The following YAP1 variants were observed in gnomAD, a reference collection of about 807,000 sequenced individuals.
The protein encoded by YAP1 is Yes1 associated transcriptional regulator, also known as transcriptional coactivator YAP1.
YAP1 carries 5 observed loss-of-function variants against 56.9 expected under a neutral mutation model. The ratio of observed to expected loss-of-function variants is 0.09; its 90% CI spans 0.05 to 0.18. YAP1 has a LOEUF of 0.18. Among genes scored for constraint, YAP1 ranks in the 10% least tolerant of loss-of-function variants. YAP1 has a pLI of 1.00. For synonymous variants in YAP1, 265 were observed against 248.1 expected (o/e 1.07, Z -0.64); for missense variants, 539 against 651.8 (o/e 0.83, Z 1.88).
intron 8 of YAP1, among the ~76,000 whole-genome samples, 166 bp downstream of exon 8, chr11:102,227,747 C>T (rs1474959226): frequency 1.3e-5 from 2 of 151,294 alleles, no homozygotes; most frequent in Admixed American, 1.3e-4. Flanking sequence ...TGATTTGTAA[C>T]TTGTCTTTTC....
At chr11:102,122,916 A>AAAAAAAAAAG (rs1943765733) in intron 2 of YAP1, among the ~76,000 whole-genome samples, 1 of 141,286 alleles carries the variant, frequency 7.1e-6, no homozygotes, top group Non-Finnish European at 1.6e-5. Context: ...AAAAAAAAAA[A>AAAAAAAAAAG]GCAAAGAAAA....
intron 3 of YAP1, among the ~76,000 whole-genome samples, chr11:102,163,485 T>G (rs1468414434): frequency 6.6e-6 from 1 of 152,176 alleles, no homozygotes; most frequent in Non-Finnish European, 1.5e-5. Context: ...GTGCCTGGCA[T>G]CAGAGATTGG....
chr11:102,180,084 A>G (rs1423103296), intron 3 of YAP1, among the ~76,000 whole-genome samples: 1 of 142,146 alleles, frequency 7.0e-6, no homozygotes, highest in Non-Finnish European at 1.5e-5. Flanking sequence ...ATCTTGGCTC[A>G]CTGCAACCTC....
chr11:102,129,762 T>C (rs868724733), intron 2 of YAP1, among the ~76,000 whole-genome samples: 28 of 151,050 alleles, frequency 1.9e-4, no homozygotes, highest in African/African-American at 5.9e-4. Context: ...AGTGATTACA[T>C]AGGAAAATCT....
intron 3 of YAP1, among the ~76,000 whole-genome samples, chr11:102,177,448 T>G (rs1397725073): frequency 6.6e-6 from 1 of 151,874 alleles, no homozygotes; most frequent in Admixed American, 6.6e-5. Flanking sequence ...ATGTGAAAGT[T>G]TATGTGAAAG....
chr11:102,139,847 T>G (rs1483671461), intron 2 of YAP1, among the ~76,000 whole-genome samples: 3 of 152,194 alleles, frequency 2.0e-5, no homozygotes, highest in African/African-American at 7.2e-5. Flanking sequence ...AAAACATCAT[T>G]TATTTTTGTG....
intron 2 of YAP1, among the ~76,000 whole-genome samples, chr11:102,144,766 G>A (rs1215219490): frequency 6.6e-6 from 1 of 152,064 alleles, no homozygotes; most frequent in African/African-American, 2.4e-5. Context: ...TTTTGCGAAT[G>A]TTGCCTTACC....
intron 2 of YAP1, among the ~76,000 whole-genome samples, chr11:102,139,975 G>C (rs956451661): frequency 1.3e-5 from 2 of 152,024 alleles, no homozygotes; most frequent in African/African-American, 4.8e-5. Context: ...AATTTGATTT[G>C]GTATCAGCAA....
intron 3 of YAP1, among the ~76,000 whole-genome samples, chr11:102,184,076 CAA>C (rs1226783169): frequency 1.3e-4 from 6 of 47,176 alleles, no homozygotes; most frequent in Non-Finnish European, 1.3e-4. Flanking sequence ...GACTCCGTCT[CAA>C]AAAAAAAAAA....
At chr11:102,167,097 G>C (rs1946657624) in intron 3 of YAP1, among the ~76,000 whole-genome samples, 1 of 152,192 alleles carries the variant, frequency 6.6e-6, no homozygotes, top group Admixed American at 6.5e-5. Flanking sequence ...ATAGCCTAGA[G>C]ACCAGTGGTT....
At chr11:102,113,395 C>G (rs1437439460) in intron 1 of YAP1, among the ~76,000 whole-genome samples, 4 of 152,144 alleles carry the variant, frequency 2.6e-5, no homozygotes, top group African/African-American at 9.7e-5. Flanking sequence ...TCACACTAGC[C>G]AACTTAGACT....
intron 2 of YAP1, among the ~76,000 whole-genome samples, chr11:102,150,885 C>G (rs1017638260): frequency 2.1e-5 from 3 of 143,000 alleles, no homozygotes; most frequent in Non-Finnish European, 1.5e-5. Context: ...ACTGCAGTCT[C>G]TGCCTCCTAG....
chr11:102,208,958 A>C (rs958066324), intron 5 of YAP1, among the ~76,000 whole-genome samples: 1 of 152,072 alleles, frequency 6.6e-6, no homozygotes, highest in African/African-American at 2.4e-5. Flanking sequence ...TTTATTCTCA[A>C]ACTTACTCTG....
chr11:102,177,247 A>G (rs1237228982), intron 3 of YAP1, among the ~76,000 whole-genome samples: 1 of 152,110 alleles, frequency 6.6e-6, no homozygotes, highest in African/African-American at 2.4e-5. Context: ...GTGCTATATA[A>G]TGCCTGACTA....
intron 3 of YAP1, among the ~76,000 whole-genome samples, chr11:102,179,393 G>A (rs1457602570): frequency 6.6e-6 from 1 of 152,070 alleles, no homozygotes; most frequent in African/African-American, 2.4e-5. Context: ...ATGAGTTTGG[G>A]GGATTGGAAT....
At chr11:102,175,039 C>T (rs1177344017) in intron 3 of YAP1, among the ~76,000 whole-genome samples, 1 of 152,128 alleles carries the variant, frequency 6.6e-6, no homozygotes, top group Non-Finnish European at 1.5e-5. Flanking sequence ...CTTCTAAGTA[C>T]CTATAGGACA....
At chr11:102,171,215 G>A (rs1469592507) in intron 3 of YAP1, among the ~76,000 whole-genome samples, 1 of 152,090 alleles carries the variant, frequency 6.6e-6, no homozygotes, top group Non-Finnish European at 1.5e-5. Flanking sequence ...ATAAGTGTTG[G>A]AATATTATTT....
chr11:102,132,289 A>C (rs547528629), intron 2 of YAP1, among the ~76,000 whole-genome samples: 3 of 152,368 alleles, frequency 2.0e-5, no homozygotes, highest in African/African-American at 7.2e-5. Context: ...CAGAGCTGCC[A>C]AAAGGTTTTC....
chr11:102,220,324 CAAAA>C (rs927028268), intron 6 of YAP1, among the ~76,000 whole-genome samples: 4 of 151,876 alleles, frequency 2.6e-5, no homozygotes, highest in African/African-American at 7.3e-5. Context: ...CAAAACAAAA[CAAAA>C]AAACCAATAA....
Sources: gnomAD v4.1 joint callset for allele counts (sites outside exome capture counted in the v4.1 genomes callset) on GRCh38, gnomAD v4.1.1 for gene constraint, MANE v1.5 for transcripts, NCBI Gene and HGNC (gene_info 2026-07-23, HGNC 2026-07-21) for gene names.